PIP4K2A: variants seen among roughly 807,000 people sequenced by gnomAD.
PIP4K2A encodes phosphatidylinositol 5-phosphate 4-kinase type-2 alpha.
A neutral mutation model predicts 42.9 loss-of-function variants in PIP4K2A; 14 were observed. The observed-to-expected ratio is 0.33, with a 90% CI of 0.22 to 0.51. The LOEUF is 0.51. Among genes scored for constraint, PIP4K2A ranks in the 20% least tolerant of loss-of-function variants. PIP4K2A has a pLI of 0.97. For synonymous variants in PIP4K2A, 192 were observed against 192.2 expected (o/e 1.00, Z 0.01); for missense variants, 434 against 519.8 (o/e 0.83, Z 1.61).
intron 3 of PIP4K2A, among the ~76,000 whole-genome samples, chr10:22,592,569 C>A (rs539801529): frequency 6.6e-6 from 1 of 152,282 alleles, no homozygotes; most frequent in Admixed American, 6.5e-5. Context: ...CAAGGACGGG[C>A]TCTGAGTAGG....
At chr10:22,683,181 T>C (rs1839696423) in intron 1 of PIP4K2A, among the ~76,000 whole-genome samples, 6 of 152,192 alleles carry the variant, frequency 3.9e-5, no homozygotes, top group Admixed American at 3.9e-4. Flanking sequence ...GCAGCCTCTC[T>C]AGCAAGGGCA....
intron 1 of PIP4K2A, among the ~76,000 whole-genome samples, chr10:22,625,766 C>T (rs560895993): frequency 6.6e-6 from 1 of 152,312 alleles, no homozygotes; most frequent in African/African-American, 2.4e-5. Context: ...ACAGCATTCA[C>T]GCTTAGCCAC....
At chr10:22,573,757 T>G (rs1465183638) in intron 4 of PIP4K2A, among the ~76,000 whole-genome samples, 1 of 152,234 alleles carries the variant, frequency 6.6e-6, no homozygotes, top group Non-Finnish European at 1.5e-5. Context: ...GTGACTATCT[T>G]TCTCAAATTC....
chr10:22,539,905 GAGAGAGGGAGA>G, intron 9 of PIP4K2A, 55 bp downstream of exon 9: 1 of 222,514 alleles, frequency 4.5e-6, no homozygotes, highest in East Asian at 1.3e-4. Context: ...GAGAGAGAGA[GAGAGAGGGAGA>G]GAGAGAGAGA....
At chr10:22,705,513 T>G (rs1229601108) in intron 1 of PIP4K2A, among the ~76,000 whole-genome samples, 1 of 136,242 alleles carries the variant, frequency 7.3e-6, no homozygotes, top group Non-Finnish European at 1.5e-5. Context: ...TGGAGGAAAC[T>G]GAGGTAGGCC....
intron 6 of PIP4K2A, among the ~76,000 whole-genome samples, chr10:22,553,457 C>A (rs1364921682): frequency 2.0e-5 from 3 of 152,218 alleles, no homozygotes; most frequent in African/African-American, 7.2e-5. Context: ...CCTTAGGTAA[C>A]CTGCTTAGCA....
At chr10:22,567,779 A>G in intron 6 of PIP4K2A, 72 bp downstream of exon 6, 1 of 1,283,968 alleles carries the variant, frequency 7.8e-7, no homozygotes, top group Non-Finnish European at 1.1e-6. Context: ...GACTAGAAAT[A>G]AAGAGTAAAG....
At chr10:22,541,540 G>A (rs1836113804) in intron 8 of PIP4K2A, among the ~76,000 whole-genome samples, 1 of 152,202 alleles carries the variant, frequency 6.6e-6, no homozygotes, top group African/African-American at 2.4e-5. Context: ...ATGTACAGGT[G>A]TGTTGTACAT....
In PIP4K2A at chr10:22,705,720, T is replaced by C. The variant is rs552100612; in HGVS notation, c.144+8463A>G. ...CCCAAGCTCTGCATTTCTAACATGT[T>C]ACTGGGTTCTGCCACTGTGGCCACA... On this transcript the variant is annotated intron_variant, in intron 1 of 9. Coordinates refer to ENST00000376573, the MANE Select transcript of PIP4K2A (RefSeq NM_005028.5). 3.3e-5 allele frequency among the ~76,000 whole-genome samples: 5 copies of C among 152,196 alleles called. No homozygotes were observed. In the South Asian group the frequency reaches 1.0e-3, roughly 32 times the overall value.
In PIP4K2A at chr10:22,714,358, C is replaced by T; in HGVS notation, c.-32G>A. The T allele has an allele frequency of 6.6e-7, 1 of 1,507,432 alleles. No homozygotes were observed. Among genetic ancestry groups the T allele is most frequent in the Non-Finnish European group, 8.9e-7 (1 of 1,122,840 alleles). 93.4% of individuals were successfully genotyped at this position (1,507,432 alleles called of 1,614,324 possible). On this transcript the variant is annotated 5_prime_UTR_variant, in exon 1 of 10. Transcript: ENST00000376573. ...CTCCTATGTCCCCTCCACCGCCGTG[C>T]TCCCGAGGCCGGGGACCCGCCCTCT...
At chr10:22,688,913 G>C (rs2130894969) in intron 1 of PIP4K2A, among the ~76,000 whole-genome samples, 1 of 152,250 alleles carries the variant, frequency 6.6e-6, no homozygotes, top group African/African-American at 2.4e-5. Flanking sequence ...CAGAGCCAAG[G>C]GTAAAAGGTC....
intron 1 of PIP4K2A, among the ~76,000 whole-genome samples, chr10:22,689,166 C>A (rs1839813785): frequency 6.6e-6 from 1 of 152,114 alleles, no homozygotes; most frequent in African/African-American, 2.4e-5. Context: ...CTCCCCTCCT[C>A]ACTCCCCAAG....
chr10:22,575,348 C>T (rs1242722746), intron 4 of PIP4K2A, among the ~76,000 whole-genome samples: 1 of 152,160 alleles, frequency 6.6e-6, no homozygotes, highest in Non-Finnish European at 1.5e-5. Flanking sequence ...AGGGGACACA[C>T]CGATTTTGGT....
At chr10:22,705,076 T>A (rs1387832424) in intron 1 of PIP4K2A, among the ~76,000 whole-genome samples, 3 of 151,586 alleles carry the variant, frequency 2.0e-5, no homozygotes, top group Non-Finnish European at 4.4e-5. Context: ...AATGAGGTTA[T>A]ATGCTGAGGG....
intron 6 of PIP4K2A, 148 bp from the exon 7 acceptor site, chr10:22,550,920 A>C: frequency 6.5e-6 from 4 of 617,860 alleles, no homozygotes; most frequent in South Asian, 1.9e-5. Flanking sequence ...AAACAATAAA[A>C]TAGGAGAAGG....
At chr10:22,620,086 A>G (rs1838287012) in intron 1 of PIP4K2A, among the ~76,000 whole-genome samples, 1 of 152,218 alleles carries the variant, frequency 6.6e-6, no homozygotes, top group South Asian at 2.1e-4. Context: ...AAATATTTAA[A>G]CTTTTGCTTA....
At chr10:22,664,118 T>TATATATATATACGTATATATATAC (rs1839280207) in intron 1 of PIP4K2A, among the ~76,000 whole-genome samples, 1 of 58,556 alleles carries the variant, frequency 1.7e-5, no homozygotes, top group African/African-American at 1.8e-4. Flanking sequence ...TATATATACA[T>TATATATATATACGTATATATATAC]ATATATATAT....
chr10:22,555,022 T>C (rs1451287380), intron 6 of PIP4K2A, among the ~76,000 whole-genome samples: 1 of 152,210 alleles, frequency 6.6e-6, no homozygotes, highest in Non-Finnish European at 1.5e-5. Context: ...TAATGTGACG[T>C]GTAAATGCAC....
At chr10:22,605,197 T>C (rs1386425284) in intron 3 of PIP4K2A, among the ~76,000 whole-genome samples, 1 of 150,372 alleles carries the variant, frequency 6.7e-6, no homozygotes, top group Non-Finnish European at 1.5e-5. Flanking sequence ...TTCTTTCTTT[T>C]TTTTCTTTTT....
Sources: allele counts gnomAD v4.1 joint callset (sites outside exome capture counted in the v4.1 genomes callset), GRCh38; gene constraint gnomAD v4.1.1; transcripts MANE v1.5; gene names NCBI Gene and HGNC (gene_info 2026-07-23, HGNC 2026-07-21).